DENND4C: variants seen among roughly 807,000 people sequenced by gnomAD.
DENND4C encodes DENN domain-containing protein 4C.
DENND4C carries 108 observed loss-of-function variants against 203.0 expected under a neutral mutation model. The ratio of observed to expected loss-of-function variants is 0.53; its 90% CI spans 0.46 to 0.62. The LOEUF is 0.62. Among genes scored for constraint, DENND4C ranks in the 20% least tolerant of loss-of-function variants. The pLI is 0.00. For synonymous variants in DENND4C, 871 were observed against 792.4 expected (o/e 1.10, Z -1.67); for missense variants, 2,481 against 2,301.2 (o/e 1.08, Z -1.60).
At chr9:19,242,428 A>G (rs1442201710) in intron 1 of DENND4C, among the ~76,000 whole-genome samples, 1 of 152,224 alleles carries the variant, frequency 6.6e-6, no homozygotes, top group African/African-American at 2.4e-5. Flanking sequence ...CAATTTGGAT[A>G]ATCAAATACC....
Position 19,346,765 on chromosome 9 carries a change from T to C in DENND4C, c.3996T>C (p.His1332=). 6.2e-7 allele frequency: 1 copy of C among 1,614,216 alleles called. No homozygotes were observed. Among genetic ancestry groups the C allele is most frequent in the Non-Finnish European group, 8.5e-7 (1 of 1,180,034 alleles). Reference sequence around the variant, plus strand: ...GGAGATCAAGCCTACCTTTAGATCATGGTTCACCAGCACAGGAAAATCCTG... The same window carrying C: ...GGAGATCAAGCCTACCTTTAGATCACGGTTCACCAGCACAGGAAAATCCTG... ...LERRSSLPLD[H]GSPAQENPES... Residue 1332 remains histidine, a synonymous_variant, in exon 23 of 33, where the codon CAT becomes CAC. Coordinates refer to ENST00000434457, the MANE Select transcript of DENND4C (RefSeq NM_001330640.2).
chr9:19,245,843 G>A (rs1430824633), intron 1 of DENND4C, among the ~76,000 whole-genome samples: 2 of 136,472 alleles, frequency 1.5e-5, no homozygotes, highest in Admixed American at 7.7e-5. Flanking sequence ...ACGACAGAGC[G>A]AGACTCCGTC....
rs768572182 is a variant in DENND4C, at chr9:19,335,259, ATATT to A, written c.2589+158_2589+161del. Among the ~76,000 whole-genome samples, 6 of 152,256 alleles carry A rather than the reference ATATT, an allele frequency of 3.9e-5. No homozygotes were observed. The East Asian group carries it at 5.8e-4, about 15-fold the overall frequency. On this transcript the variant is annotated intron_variant, in intron 18 of 32. Coordinates refer to ENST00000434457, the MANE Select transcript of DENND4C (RefSeq NM_001330640.2). The stretch of plus-strand genomic sequence containing the variant: ...TATTAAAAATTGACAAAAAGTATAT[ATATT>A]TATCATGTACAATATGATGTTTTGA...
rs1301081333 is a variant in DENND4C, at chr9:19,265,532, C to CTGTATACATATGTATA, written c.-17-10626_-17-10625insTGTATACATATGTATA. On this transcript the variant is annotated intron_variant, in intron 1 of 32. Transcript: ENST00000434457. ...GGTTTGTTACATATGTATACATGTG[C>CTGTATACATATGTATA]CATGTTGGTGTGCTGTACCCATTAA... 6.6e-5 allele frequency among the ~76,000 whole-genome samples: 10 copies of CTGTATACATATGTATA among 152,098 alleles called. No individual in the cohort carries two copies. The East Asian group carries it at 9.6e-4, about 15-fold the overall frequency.
At position 19,360,190 on chromosome 9, in the gene DENND4C, T is replaced by C. The variant is rs1588985873; in HGVS notation, c.5161-54T>C. On this transcript the variant is annotated intron_variant, in intron 28 of 32. Transcript: ENST00000434457. ...GCATTATCTCATTGAGAAGTGCTCTTGAGCATACAGATTTAAACAGATAAT... is the reference window on the plus strand; with the variant it reads ...GCATTATCTCATTGAGAAGTGCTCTCGAGCATACAGATTTAAACAGATAAT... 5 of 1,559,656 alleles carry C rather than the reference T, an allele frequency of 3.2e-6. No individual in the cohort carries two copies. In the East Asian group the frequency reaches 1.1e-4, roughly 35 times the overall value.
At position 19,346,394 on chromosome 9, in the gene DENND4C, C is replaced by G. The variant is rs767436118; in HGVS notation, c.3625C>G (p.Leu1209Val). 1.2e-6 allele frequency: 2 copies of G among 1,614,070 alleles called. No individual in the cohort carries two copies. The highest frequency in any genetic ancestry group is 1.7e-6 in the Non-Finnish European group (2 of 1,180,004). The change falls in exon 23 of 33, where the codon CTA (leucine) becomes GTA (valine). Residue 1209 changes from leucine (L) to valine (V), a missense_variant. Leu to Val is a conservative substitution (Grantham distance 32, BLOSUM62 1). Around this residue, in one of 3 missense-constraint regions of DENND4C, gnomAD observed 2,289 missense variants for 2,113.3 expected, o/e 1.08. Transcript: ENST00000434457. ...TATVDTYESL[L>V]SDSNSNQSRD... Reference sequence around the variant, plus strand: ...AACAGTAGATACATATGAGAGTCTACTAAGTGATAGTAACAGTAATCAGTC... The same window carrying G: ...AACAGTAGATACATATGAGAGTCTAGTAAGTGATAGTAACAGTAATCAGTC...
intron 30 of DENND4C, among the ~76,000 whole-genome samples, chr9:19,364,613 C>G (rs1331149832): frequency 6.6e-6 from 1 of 151,530 alleles, no homozygotes; most frequent in African/African-American, 2.4e-5. Context: ...TGCCCAGGGG[C>G]TGGGCACGAT....
intron 24 of DENND4C, among the ~76,000 whole-genome samples, 163 bp downstream of exon 24, chr9:19,351,042 C>T (rs529148665): frequency 7.9e-5 from 12 of 152,130 alleles, no homozygotes; most frequent in South Asian, 2.1e-4. Flanking sequence ...GGATTACAAG[C>T]GTGAGCCACA....
intron 23 of DENND4C, among the ~76,000 whole-genome samples, chr9:19,348,742 C>T (rs1051582675): frequency 6.6e-6 from 1 of 150,602 alleles, no homozygotes; most frequent in Non-Finnish European, 1.5e-5. Context: ...CAAGGGAAGG[C>T]GAAATAAAAT....
At chr9:19,268,245 G>A (rs575277144) in intron 1 of DENND4C, among the ~76,000 whole-genome samples, 1 of 152,054 alleles carries the variant, frequency 6.6e-6, no homozygotes, top group African/African-American at 2.4e-5. Flanking sequence ...GACCCCAGGT[G>A]TGCACCACTA....
Position 19,361,895 on chromosome 9 carries a change from T to C in DENND4C, c.5456T>C (p.Leu1819Pro), listed in dbSNP as rs1462094994. ...SQDSKLVYIQLLWDNINLHQE... is the reference protein window; with the variant it reads ...SQDSKLVYIQPLWDNINLHQE... ...GATAGCAAACTTGTGTATATTCAGC[T>C]GTTATGGGATAATATCAACCTTCAT... The change falls in exon 30 of 33, where the codon CTG becomes CCG. Residue 1819 changes from leucine to proline, a missense_variant. Leu to Pro is a moderately conservative substitution (Grantham distance 98). Coordinates refer to ENST00000434457, the MANE Select transcript of DENND4C (RefSeq NM_001330640.2). 3 of 1,613,158 alleles carry C rather than the reference T, an allele frequency of 1.9e-6. No homozygotes were observed. Among genetic ancestry groups the C allele is most frequent in the Non-Finnish European group, 2.5e-6 (3 of 1,179,138 alleles).
intron 10 of DENND4C, among the ~76,000 whole-genome samples, chr9:19,315,490 A>AAT (rs150250739): frequency 0.068 from 10,120 of 148,306 alleles, 444 homozygotes; most frequent in Non-Finnish European, 0.1. Flanking sequence ...ATATTCTTGG[A>AAT]ATATATATAT....
intron 1 of DENND4C, among the ~76,000 whole-genome samples, chr9:19,265,355 C>T (rs986916745): frequency 6.6e-6 from 1 of 152,102 alleles, no homozygotes; most frequent in Non-Finnish European, 1.5e-5. Context: ...TTCATTGACC[C>T]AGTGGTCATT....
intron 8 of DENND4C, among the ~76,000 whole-genome samples, 200 bp downstream of exon 8, chr9:19,299,487 A>G (rs2131302099): frequency 6.6e-6 from 1 of 152,236 alleles, no homozygotes; most frequent in African/African-American, 2.4e-5. Flanking sequence ...ATAAATGGGA[A>G]CAATTAAGAG....
At chr9:19,349,377 C>T (rs1031348938) in intron 23 of DENND4C, among the ~76,000 whole-genome samples, 1 of 152,164 alleles carries the variant, frequency 6.6e-6, no homozygotes, top group Admixed American at 6.5e-5. Context: ...CACTGCACTC[C>T]AGCCTGGGTG....
chr9:19,343,328 A>G (rs1822085960), intron 22 of DENND4C, among the ~76,000 whole-genome samples: 1 of 152,190 alleles, frequency 6.6e-6, no homozygotes, highest in Non-Finnish European at 1.5e-5. Flanking sequence ...TGAGTTTTCT[A>G]CTTTCATTAT....
intron 21 of DENND4C, among the ~76,000 whole-genome samples, chr9:19,341,854 G>T (rs2131937246): frequency 6.6e-6 from 1 of 152,236 alleles, no homozygotes; most frequent in South Asian, 2.1e-4. Flanking sequence ...GCTGGGCGTG[G>T]TGGCTCACGC....
At chr9:19,238,327 C>T (rs1002862738) in intron 1 of DENND4C, among the ~76,000 whole-genome samples, 1 of 151,804 alleles carries the variant, frequency 6.6e-6, no homozygotes, top group Non-Finnish European at 1.5e-5. Flanking sequence ...GGTGATCTGC[C>T]GGCCTTGGCC....
intron 2 of DENND4C, among the ~76,000 whole-genome samples, chr9:19,281,816 A>T (rs896307857): frequency 6.6e-6 from 1 of 152,208 alleles, no homozygotes; most frequent in Non-Finnish European, 1.5e-5. Flanking sequence ...TTAGGCTGCA[A>T]ACCTGTACAG....
Sources: allele counts gnomAD v4.1 joint callset (sites outside exome capture counted in the v4.1 genomes callset), GRCh38; gene constraint gnomAD v4.1.1; regional missense constraint gnomAD v4.1.1; transcripts MANE v1.5; gene names NCBI Gene and HGNC (gene_info 2026-07-23, HGNC 2026-07-21).